The following MAPRE2 variants were observed in gnomAD, a reference collection of about 807,000 sequenced individuals.
The protein encoded by MAPRE2 is microtubule associated protein RP/EB family member 2, also known as microtubule-associated protein RP/EB family member 2.
A neutral mutation model predicts 43.2 loss-of-function variants in MAPRE2; 13 were observed. The observed-to-expected ratio is 0.30, with a 90% CI of 0.20 to 0.48. MAPRE2 has a LOEUF of 0.48. Ranked by LOEUF, MAPRE2 falls within the 20% of genes least tolerant of loss-of-function variation. The pLI is 0.99. For missense variants in MAPRE2, 161 were observed against 400.2 expected, an observed-to-expected ratio of 0.40 and a Z score of 5.10; for synonymous variants, 135 against 148.8, an observed-to-expected ratio of 0.91 and a Z score of 0.68.
At chr18:35,049,436 A>G (rs1905820276) in intron 1 of MAPRE2, among the ~76,000 whole-genome samples, 1 of 152,166 alleles carries the variant, frequency 6.6e-6, no homozygotes, top group Non-Finnish European at 1.5e-5. Flanking sequence ...TGTTACATTA[A>G]AGTTTAAGCC....
chr18:35,001,272 G>A (rs572240845), intron 1 of MAPRE2, among the ~76,000 whole-genome samples: 3 of 152,272 alleles, frequency 2.0e-5, no homozygotes, highest in African/African-American at 7.2e-5. Flanking sequence ...AGCACTTTGG[G>A]AGGCCGAGGC....
At chr18:35,011,602 T>C (rs1238782908) in intron 2 of MAPRE2, among the ~76,000 whole-genome samples, 1 of 152,078 alleles carries the variant, frequency 6.6e-6, no homozygotes, top group African/African-American at 2.4e-5. Flanking sequence ...CTCTGATGGC[T>C]GTGTAAAGGA....
At chr18:35,086,630 A>G (rs765899496) in intron 2 of MAPRE2, among the ~76,000 whole-genome samples, 7 of 152,004 alleles carry the variant, frequency 4.6e-5, no homozygotes, top group Non-Finnish European at 8.8e-5. Flanking sequence ...GAACCTTTCA[A>G]TTTTTACATA....
intron 1 of MAPRE2, among the ~76,000 whole-genome samples, chr18:35,050,447 A>G (rs759835295): frequency 1.3e-5 from 2 of 152,194 alleles, no homozygotes; most frequent in Non-Finnish European, 2.9e-5. Flanking sequence ...GGTTTCACAC[A>G]TAGCAATCCA....
At chr18:35,118,890 T>C (rs927120543) in intron 4 of MAPRE2, among the ~76,000 whole-genome samples, 1 of 152,124 alleles carries the variant, frequency 6.6e-6, no homozygotes, top group African/African-American at 2.4e-5. Context: ...CCTGCTCTGC[T>C]CCTGGCTGTC....
At chr18:35,089,928 T>C (rs1908063294) in intron 2 of MAPRE2, among the ~76,000 whole-genome samples, 1 of 152,190 alleles carries the variant, frequency 6.6e-6, no homozygotes, top group Admixed American at 6.5e-5. Context: ...TGGTAATTCA[T>C]AAAATGGAAT....
chr18:34,993,977 T>C (rs1360140536), intron 1 of MAPRE2, among the ~76,000 whole-genome samples: 31 of 149,042 alleles, frequency 2.1e-4, no homozygotes, highest in Non-Finnish European at 3.0e-5. Flanking sequence ...GAGGAAAAAC[T>C]GAGGCATGGA....
At chr18:35,084,438 T>C (rs1364735001) in intron 2 of MAPRE2, among the ~76,000 whole-genome samples, 1 of 152,226 alleles carries the variant, frequency 6.6e-6, no homozygotes, top group Non-Finnish European at 1.5e-5. Flanking sequence ...AATGAAAAAC[T>C]GAGGGCATTT....
At chr18:35,050,305 T>C (rs1470938401) in intron 1 of MAPRE2, among the ~76,000 whole-genome samples, 1 of 152,246 alleles carries the variant, frequency 6.6e-6, no homozygotes, top group Non-Finnish European at 1.5e-5. Flanking sequence ...ATCTGATAGA[T>C]ACTCATGAAC....
At chr18:35,040,807 C>T (rs1407351232), upstream of MAPRE2, among the ~76,000 whole-genome samples, 2 of 152,146 alleles carry the variant, frequency 1.3e-5, no homozygotes, top group Non-Finnish European at 2.9e-5. Flanking sequence ...CTTAATTTGC[C>T]ATCTTTAATC....
intron 1 of MAPRE2, among the ~76,000 whole-genome samples, chr18:35,063,236 T>A (rs1906631134): frequency 6.6e-6 from 1 of 152,104 alleles, no homozygotes; most frequent in African/African-American, 2.4e-5. Context: ...CCTGAGTAGC[T>A]GGGACTACAG....
intron 2 of MAPRE2, among the ~76,000 whole-genome samples, chr18:35,008,241 T>C (rs1603389456): frequency 6.6e-6 from 1 of 152,256 alleles, no homozygotes; most frequent in East Asian, 1.9e-4. Flanking sequence ...AGCTCATTAG[T>C]AGGCAATTTA....
At chr18:34,987,178 A>G (rs918588477) in intron 1 of MAPRE2, among the ~76,000 whole-genome samples, 1 of 152,192 alleles carries the variant, frequency 6.6e-6, no homozygotes, top group African/African-American at 2.4e-5. Flanking sequence ...CCAATTTTTT[A>G]ATAGAATAAA....
intron 2 of MAPRE2, among the ~76,000 whole-genome samples, chr18:35,092,357 T>C (rs1321114561): frequency 6.6e-6 from 1 of 152,150 alleles, no homozygotes; most frequent in African/African-American, 2.4e-5. Context: ...GCCAGGAACA[T>C]AGGGAAAGGA....
intron 2 of MAPRE2, among the ~76,000 whole-genome samples, chr18:35,009,402 A>T (rs1338276325): frequency 2.6e-5 from 4 of 152,190 alleles, no homozygotes; most frequent in Admixed American, 1.3e-4. Context: ...AATATTTTTT[A>T]AAAAATCATT....
upstream of MAPRE2, among the ~76,000 whole-genome samples, chr18:35,038,420 G>A (rs2097051799): frequency 6.6e-6 from 1 of 152,184 alleles, no homozygotes. Context: ...TTGGTGTTGG[G>A]GAGACCCTCT....
chr18:34,985,503 T>TAA lies in MAPRE2; in HGVS notation c.-70+8425_-70+8426insAA, dbSNP rs1568961959. ...AATATATATATTGTATATTATATAA[T>TAA]ATATAATATATATATTATATATTAT... On this transcript the variant is annotated intron_variant, in intron 1 of 7. Coordinates refer to the MAPRE2 transcript ENST00000413393. Among the ~76,000 whole-genome samples, 10 of 42,728 alleles carry TAA rather than the reference T, an allele frequency of 2.3e-4. 1 individual carries two copies. Among genetic ancestry groups the TAA allele is most frequent in the African/African-American group, 1.0e-3 (10 of 9,824 alleles). The allele number at this position is 42,728 out of a possible 152,430, so 28.0% of individuals were successfully genotyped here.
intron 2 of MAPRE2, among the ~76,000 whole-genome samples, chr18:35,077,662 G>A (rs956729745): frequency 6.6e-6 from 1 of 152,096 alleles, no homozygotes; most frequent in Non-Finnish European, 1.5e-5. Flanking sequence ...ATAGCCCCAG[G>A]GATCTTGACA....
upstream of MAPRE2, among the ~76,000 whole-genome samples, chr18:35,037,069 A>G (rs1189937298): frequency 2.0e-5 from 3 of 152,054 alleles, no homozygotes; most frequent in Non-Finnish European, 4.4e-5. Context: ...ATGTTGCACC[A>G]TTGCTGTAGC....
Sources: allele counts gnomAD v4.1 joint callset (sites outside exome capture counted in the v4.1 genomes callset), GRCh38; gene constraint gnomAD v4.1.1; transcripts MANE v1.5; gene names NCBI Gene and HGNC (gene_info 2026-07-23, HGNC 2026-07-21).